The following USP6 variants were observed in gnomAD, a reference collection of about 807,000 sequenced individuals.
USP6 encodes ubiquitin carboxyl-terminal hydrolase 6.
USP6 carries 128 observed loss-of-function variants against 175.7 expected under a neutral mutation model. That is an observed-to-expected ratio of 0.73 (90% CI 0.63 to 0.84). The LOEUF (loss-of-function observed/expected upper bound fraction) is 0.84. Ranked by LOEUF, USP6 falls within the 40% of genes least tolerant of loss-of-function variation. The pLI, the probability that USP6 is intolerant of heterozygous loss-of-function variation, is 0.00. For synonymous variants in USP6, 562 were observed against 630.6 expected, an observed-to-expected ratio of 0.89 and a Z score of 1.63; for missense variants, 1,498 against 1,760.3, an observed-to-expected ratio of 0.85 and a Z score of 2.67.
intron 18 of USP6, 61 bp downstream of exon 18, chr17:5,136,795 C>T: frequency 6.3e-7 from 1 of 1,592,346 alleles, no homozygotes; most frequent in South Asian, 1.1e-5. Context: ...GCTGTAGGAG[C>T]AGGGGGACTG....
intron 19 of USP6, 147 bp downstream of exon 19, chr17:5,137,333 A>G: frequency 1.8e-6 from 2 of 1,107,504 alleles, no homozygotes; most frequent in Non-Finnish European, 2.7e-6. Flanking sequence ...CCTCTGCCCA[A>G]GAGGGGTCAT....
Position 5,173,579 on chromosome 17 carries a change from G to A in USP6, c.*601G>A, listed in dbSNP as rs757387004. On this transcript the variant is annotated 3_prime_UTR_variant, in exon 38 of 38. Coordinates refer to ENST00000574788, the MANE Select transcript of USP6 (RefSeq NM_001304284.2). ...TGTGTTTACGTTTGAGACACAACCAGTCATTGGTGGCAGGGGCATAGAGTG... is the reference window on the plus strand; with the variant it reads ...TGTGTTTACGTTTGAGACACAACCAATCATTGGTGGCAGGGGCATAGAGTG... 22 of 219,276 alleles carry A rather than the reference G, an allele frequency of 1.0e-4. No homozygotes were observed. Among genetic ancestry groups the A allele is most frequent in the Non-Finnish European group, 2.0e-4 (22 of 109,042 alleles). 13.6% of individuals were successfully genotyped at this position (219,276 alleles called of 1,614,324 possible). A position where few individuals can be genotyped will look rare whatever the true frequency, so the allele number is the denominator to read the frequency against.
At position 5,170,615 on chromosome 17, in the gene USP6, G is replaced by C; in HGVS notation, c.3654G>C (p.Pro1218=). The change falls in exon 36 of 38, where the codon CCG becomes CCC. Residue 1218 remains proline, a synonymous_variant. Transcript: ENST00000574788. ...CCCAGATTGGCAGCAAAAATAAGCCGTCAAGTAGTAAGAAGAACTTGGATG... is the reference window on the plus strand; with the variant it reads ...CCCAGATTGGCAGCAAAAATAAGCCCTCAAGTAGTAAGAAGAACTTGGATG... ...RLPQIGSKNK[P]SSSKKNLDAS... is the part of the protein sequence containing the mutation. 2.5e-6 allele frequency: 4 copies of C among 1,613,520 alleles called. No individual in the cohort carries two copies. Among genetic ancestry groups the C allele is most frequent in the Non-Finnish European group, 3.4e-6 (4 of 1,179,874 alleles).
At chr17:5,156,004 C>T (rs1001746582) in intron 31 of USP6, among the ~76,000 whole-genome samples, 21 of 152,200 alleles carry the variant, frequency 1.4e-4, no homozygotes, top group African/African-American at 4.8e-4. Flanking sequence ...TCTCAGTCCT[C>T]TGAAATTCAG....
intron 7 of USP6, among the ~76,000 whole-genome samples, chr17:5,127,910 G>A (rs560530953): frequency 6.6e-6 from 1 of 152,210 alleles, no homozygotes; most frequent in Non-Finnish European, 1.5e-5. Flanking sequence ...ACAACCATCC[G>A]ATTTGTTTTC....
In USP6 at chr17:5,139,632, G is replaced by A. The variant is rs1263990376; in HGVS notation, c.1456G>A (p.Asp486Asn). ...SCWVRAISQE[D>N]QLATCWQAEH... is the part of the protein sequence containing the mutation. ...CTGGGTCCGTGCCATATCCCAGGAG[G>A]ACCAGCTGGCCACCTGCTGGCAGGC... The change falls in exon 22 of 38, where the codon GAC becomes AAC. Residue 486 changes from aspartate (D) to asparagine (N), a missense_variant. By Grantham distance (23) the Asp-to-Asn change is conservative (BLOSUM62 1). Coordinates refer to ENST00000574788, the MANE Select transcript of USP6 (RefSeq NM_001304284.2). The A allele has an allele frequency of 1.9e-6, 3 of 1,612,624 alleles. No homozygotes were observed. In the African/African-American group the frequency reaches 4.0e-5, roughly 22 times the overall value.
At chr17:5,167,573 G>A (rs1598099513) in intron 33 of USP6, among the ~76,000 whole-genome samples, 2 of 152,032 alleles carry the variant, frequency 1.3e-5, no homozygotes, top group South Asian at 4.1e-4. Context: ...GTGCAGTGGC[G>A]TAATCACAGC....
At chr17:5,130,282 G>C (rs1383154354) in intron 9 of USP6, 85 bp from the exon 10 acceptor site, 4 of 1,364,632 alleles carry the variant, frequency 2.9e-6, no homozygotes, top group Non-Finnish European at 3.1e-6. Flanking sequence ...CAACCAGCCA[G>C]CATCTGGGAG....
rs1221218913 is a variant in USP6, at chr17:5,132,864, G to T, written c.196-46G>T. ...AGACTCAGCATCCATGGGCGGCTCTGGGAAGCCTGGCAGCTCCACTAACTC... is the reference window on the plus strand; with the variant it reads ...AGACTCAGCATCCATGGGCGGCTCTTGGAAGCCTGGCAGCTCCACTAACTC... On this transcript the variant is annotated intron_variant, in intron 12 of 37. Transcript: ENST00000574788. This position sits in a 1 kb window ranked among gnomAD's most constrained non-coding sequence, Gnocchi z 4.7. 1 of 1,610,040 alleles carries T rather than the reference G, an allele frequency of 6.2e-7. No homozygotes were observed. The highest frequency in any genetic ancestry group is 8.5e-7 in the Non-Finnish European group (1 of 1,176,460).
At chr17:5,168,331 C>G (rs913923349) in intron 34 of USP6, among the ~76,000 whole-genome samples, 1 of 130,970 alleles carries the variant, frequency 7.6e-6, no homozygotes, top group Non-Finnish European at 1.8e-5. Flanking sequence ...AGCTCATAAC[C>G]TAGAAGAAGA....
At chr17:5,148,461 G>A (rs1598052445) in intron 29 of USP6, 95 bp from the exon 30 acceptor site, 2 of 1,416,186 alleles carry the variant, frequency 1.4e-6, no homozygotes, top group African/African-American at 2.8e-5. Context: ...TGTGTTAAGA[G>A]ACTACACTGT....
Position 5,121,494 on chromosome 17 carries a change from G to T in USP6, c.-1555G>T, listed in dbSNP as rs2072663011. ...GAGCCATCCCAGCTCAGCAAGGTAG[G>T]GCCTCTGTCCCCTCCCCACCCTGTA... On this transcript the variant is annotated 5_prime_UTR_variant, in exon 4 of 38. Transcript: ENST00000574788. The T allele has an allele frequency of 4.2e-6, 1 of 237,168 alleles. No individual in the cohort carries two copies. The highest frequency in any genetic ancestry group is 2.3e-5 in the African/African-American group (1 of 43,826). 14.7% of individuals were successfully genotyped at this position (237,168 alleles called of 1,614,324 possible). A position where few individuals can be genotyped will look rare whatever the true frequency, so the allele number is the denominator to read the frequency against.
At chr17:5,129,875 G>T (rs1449165920) in intron 8 of USP6, 61 bp from the exon 9 acceptor site, 1 of 173,524 alleles carries the variant, frequency 5.8e-6, no homozygotes, top group African/African-American at 2.4e-5. Context: ...GAAGGGCCAT[G>T]GTAGCCCAAG....
In USP6 at chr17:5,127,570, G is replaced by C. The variant is rs1383374928; in HGVS notation, c.-407G>C. On this transcript the variant is annotated 5_prime_UTR_variant, in exon 7 of 38. Transcript: ENST00000574788. ...CAATGGATGAATGGATGGATGAATG[G>C]ACAGCAGTCCAGGGAGATGTCCCTG... is the stretch of plus-strand genomic sequence containing the variant. 1.3e-5 allele frequency: 2 copies of C among 152,270 alleles called. No homozygotes were observed. The highest frequency in any genetic ancestry group is 4.8e-5 in the African/African-American group (2 of 41,440). 9.4% of individuals were successfully genotyped at this position (152,270 alleles called of 1,614,324 possible).
At position 5,130,054 on chromosome 17, in the gene USP6, C is replaced by T. The variant is rs879095572; in HGVS notation, c.-37C>T. ...AATAGACCATCACAGGCTCTTCACC[C>T]TTGGCAGGTGGACACCATTCAACCT... On this transcript the variant is annotated 5_prime_UTR_variant, in exon 9 of 38. Coordinates refer to ENST00000574788, the MANE Select transcript of USP6 (RefSeq NM_001304284.2). The T allele has an allele frequency of 2.6e-6, 1 of 380,682 alleles. No homozygotes were observed. Among genetic ancestry groups the T allele is most frequent in the South Asian group, 2.5e-5 (1 of 39,492 alleles). 23.6% of individuals were successfully genotyped at this position (380,682 alleles called of 1,614,324 possible).
chr17:5,150,006 A>G (rs978653174), intron 30 of USP6, among the ~76,000 whole-genome samples: 2 of 152,100 alleles, frequency 1.3e-5, no homozygotes, highest in African/African-American at 4.8e-5. Context: ...TATAAAGGAA[A>G]GGAAAGGTCA....
chr17:5,136,589 C>G, intron 17 of USP6, 51 bp from the exon 18 acceptor site: 1 of 1,601,336 alleles, frequency 6.2e-7, no homozygotes, highest in South Asian at 1.1e-5. Flanking sequence ...GCTGATGGCT[C>G]CACACCTTGG....
chr17:5,156,426 G>GC (rs2073886773), intron 31 of USP6, among the ~76,000 whole-genome samples: 1 of 151,930 alleles, frequency 6.6e-6, no homozygotes. Flanking sequence ...TCCTGCCTCA[G>GC]CCTCCTGAGT....
chr17:5,145,989 A>G, intron 27 of USP6, 34 bp from the exon 28 acceptor site: 17 of 1,551,698 alleles, frequency 1.1e-5, no homozygotes, highest in Non-Finnish European at 1.5e-5. Flanking sequence ...TGAAACCTGC[A>G]TTTTACTGAT....
Sources: gnomAD v4.1 joint callset for allele counts (sites outside exome capture counted in the v4.1 genomes callset) on GRCh38, gnomAD v4.1.1 for gene constraint, Gnocchi (gnomAD v3.1) non-coding constraint, MANE v1.5 for transcripts, NCBI Gene and HGNC (gene_info 2026-07-23, HGNC 2026-07-21) for gene names.